Variants in XIRP2 observed in about 807,000 individuals in gnomAD.
XIRP2 encodes the protein xin actin-binding repeat-containing protein 2.
A neutral mutation model predicts 277.0 loss-of-function variants in XIRP2; 236 were observed. That is an observed-to-expected ratio of 0.85 (90% CI 0.77 to 0.95). The LOEUF is 0.95. Ranked by LOEUF, XIRP2 falls within the 40% of genes least tolerant of loss-of-function variation. The probability of loss-of-function intolerance (pLI) is 0.00; values close to 1 mark genes in which losing one functional copy is unlikely to be tolerated. For synonymous variants in XIRP2, 1,490 were observed against 1,416.5 expected (o/e 1.05, Z -1.17); for missense variants, 4,640 against 4,157.5 (o/e 1.12, Z -3.19).
intron 2 of XIRP2, among the ~76,000 whole-genome samples, chr2:167,025,940 G>T (rs1688142499): frequency 6.6e-6 from 1 of 152,084 alleles, no homozygotes; most frequent in Admixed American, 6.6e-5. Flanking sequence ...TGTTGATTTG[G>T]GGTGGAGAGT....
At chr2:167,239,744 T>A in intron 5 of XIRP2, 111 bp from the exon 6 acceptor site, 1 of 883,676 alleles carries the variant, frequency 1.1e-6, no homozygotes, top group Non-Finnish European at 1.7e-6. Flanking sequence ...AAAACTAATA[T>A]ACTAAAGAAT....
chr2:167,251,684 A>T lies in XIRP2; in HGVS notation c.10292A>T (p.Glu3431Val). 1.2e-6 allele frequency: 2 copies of T among 1,613,380 alleles called. No homozygotes were observed. Among genetic ancestry groups the T allele is most frequent in the Non-Finnish European group, 1.7e-6 (2 of 1,179,608 alleles). ...GMDAFESQIV[E>V]SKMKTSSSHS... ...GATGCATTTGAGAGTCAAATTGTTG[A>T]GTCGAAGATGAAAACCTCTTCATCA... The change falls in exon 9 of 11, where the codon GAG (glutamate) becomes GTG (valine). Residue 3431 changes from glutamate to valine, a missense_variant. Physicochemically the swap from Glu to Val is moderately radical, Grantham distance 121. Coordinates refer to ENST00000409195, the MANE Select transcript of XIRP2 (RefSeq NM_152381.6).
intron 5 of XIRP2, among the ~76,000 whole-genome samples, chr2:167,229,652 A>G (rs1020909141): frequency 4.6e-5 from 7 of 152,046 alleles, no homozygotes; most frequent in Non-Finnish European, 1.0e-4. Flanking sequence ...TTTGAAAATG[A>G]TTGGATTGAG....
intron 2 of XIRP2, among the ~76,000 whole-genome samples, chr2:166,921,077 A>C (rs1052564962): frequency 1.3e-5 from 2 of 151,922 alleles, no homozygotes; most frequent in African/African-American, 4.8e-5. Flanking sequence ...TTTCCTTTCA[A>C]ATATCTCTGA....
At chr2:167,236,647 A>G (rs1464631200) in intron 5 of XIRP2, among the ~76,000 whole-genome samples, 1 of 152,092 alleles carries the variant, frequency 6.6e-6, no homozygotes, top group Admixed American at 6.6e-5. Context: ...ATTATAACAT[A>G]CCTAGTAAAG....
intron 3 of XIRP2, among the ~76,000 whole-genome samples, chr2:167,171,847 T>C (rs774393142): frequency 3.9e-5 from 6 of 152,254 alleles, no homozygotes; most frequent in Admixed American, 2.6e-4. Context: ...AAGTCTACTT[T>C]TTCTGACATC....
chr2:167,105,194 T>C (rs1164925094), intron 2 of XIRP2, among the ~76,000 whole-genome samples: 2 of 151,940 alleles, frequency 1.3e-5, no homozygotes, highest in African/African-American at 4.8e-5. Flanking sequence ...TGGTAACATC[T>C]TGAAGAACTA....
chr2:167,125,042 C>T (rs1277139220), intron 2 of XIRP2, among the ~76,000 whole-genome samples: 1 of 152,166 alleles, frequency 6.6e-6, no homozygotes, highest in Non-Finnish European at 1.5e-5. Context: ...CTTCTCAATA[C>T]TTCATCAAGC....
intron 2 of XIRP2, among the ~76,000 whole-genome samples, chr2:167,089,490 C>T (rs971905925): frequency 6.6e-6 from 1 of 152,128 alleles, no homozygotes; most frequent in African/African-American, 2.4e-5. Context: ...GCTTACTTCC[C>T]ATTATGTCAC....
intron 2 of XIRP2, among the ~76,000 whole-genome samples, chr2:166,980,239 A>G (rs1026769943): frequency 5.9e-5 from 9 of 151,834 alleles, no homozygotes; most frequent in African/African-American, 2.2e-4. Context: ...TTTTTTCTTG[A>G]TTACTCTAAG....
At chr2:167,081,064 G>A (rs528966690) in intron 2 of XIRP2, among the ~76,000 whole-genome samples, 1 of 152,138 alleles carries the variant, frequency 6.6e-6, no homozygotes, top group East Asian at 1.9e-4. Flanking sequence ...TATGCAAGGG[G>A]TAATATTTAA....
chr2:167,015,418 T>TTATCTATC (rs143244808), intron 2 of XIRP2, among the ~76,000 whole-genome samples: 13,580 of 147,170 alleles, frequency 0.092, 653 homozygotes, highest in East Asian at 0.13. Context: ...TATCTGTCTT[T>TTATCTATC]TATCTATCTA....
intron 3 of XIRP2, among the ~76,000 whole-genome samples, chr2:167,138,119 T>C (rs1003176984): frequency 3.3e-5 from 5 of 152,222 alleles, no homozygotes; most frequent in Admixed American, 3.3e-4. Context: ...TCAGAATTTA[T>C]ACAATTATAT....
chr2:167,162,525 T>C (rs936740228), intron 3 of XIRP2, among the ~76,000 whole-genome samples: 2 of 152,150 alleles, frequency 1.3e-5, no homozygotes, highest in Non-Finnish European at 2.9e-5. Flanking sequence ...GTGAGACTTA[T>C]TCACTATCAC....
intron 3 of XIRP2, among the ~76,000 whole-genome samples, chr2:167,144,267 TA>T (rs1333624931): frequency 6.6e-6 from 1 of 152,106 alleles, no homozygotes; most frequent in Non-Finnish European, 1.5e-5. Context: ...TCTACAGCCA[TA>T]AATATGGAGA....
chr2:167,248,219 T>G lies in XIRP2; in HGVS notation c.6827T>G (p.Phe2276Cys). 6.2e-7 allele frequency: 1 copy of G among 1,613,588 alleles called. No individual in the cohort carries two copies. Among genetic ancestry groups the G allele is most frequent in the East Asian group, 2.2e-5 (1 of 44,828 alleles). Residue 2276 changes from phenylalanine (F) to cysteine (C), a missense_variant, in exon 9 of 11, where the codon TTT (phenylalanine) becomes TGT (cysteine). By Grantham distance (205) the Phe-to-Cys change is radical. Coordinates refer to ENST00000409195, the MANE Select transcript of XIRP2 (RefSeq NM_152381.6). ...AMERSLNPIN[F>C]NPENNVKESE... ...GAAAGGTCCTTGAATCCAATCAACT[T>G]TAACCCTGAGAATAATGTAAAAGAA...
intron 2 of XIRP2, among the ~76,000 whole-genome samples, chr2:166,982,552 G>T (rs561770074): frequency 1.6e-4 from 25 of 151,682 alleles, no homozygotes; most frequent in Admixed American, 5.9e-4. Flanking sequence ...CTGTTCTTCA[G>T]ATTTAAAAAT....
chr2:167,031,944 G>T (rs1284259456), intron 2 of XIRP2, among the ~76,000 whole-genome samples: 2 of 151,864 alleles, frequency 1.3e-5, no homozygotes, highest in Non-Finnish European at 2.9e-5. Flanking sequence ...ACCAAGTTGG[G>T]AAAAACTACT....
At chr2:166,904,255 G>A (rs1372837806) in intron 2 of XIRP2, among the ~76,000 whole-genome samples, 1 of 152,094 alleles carries the variant, frequency 6.6e-6, no homozygotes, top group Admixed American at 6.6e-5. Flanking sequence ...TTTAGCCAAA[G>A]CTCCATGAGG....
Sources: allele counts gnomAD v4.1 joint callset (sites outside exome capture counted in the v4.1 genomes callset), GRCh38; gene constraint gnomAD v4.1.1; transcripts MANE v1.5; gene names NCBI Gene and HGNC (gene_info 2026-07-23, HGNC 2026-07-21).